The following ERC2 variants were observed in gnomAD, a reference collection of about 807,000 sequenced individuals.
ERC2 encodes ELKS/RAB6-interacting/CAST family member 2.
A neutral mutation model predicts 114.8 loss-of-function variants in ERC2; 42 were observed. That is an observed-to-expected ratio of 0.37 (90% CI 0.29 to 0.47). ERC2 has a LOEUF of 0.47. Ranked by LOEUF, ERC2 falls within the 20% of genes least tolerant of loss-of-function variation. The pLI, the probability that ERC2 is intolerant of heterozygous loss-of-function variation, is 0.99. For missense variants in ERC2, 939 were observed against 1,150.7 expected, an observed-to-expected ratio of 0.82 and a Z score of 2.66; for synonymous variants, 454 against 425.5, an observed-to-expected ratio of 1.07 and a Z score of -0.82.
In ERC2 at chr3:55,991,996, T is replaced by C. The variant is rs532684648; in HGVS notation, c.2255+61A>G. 3 of 1,486,934 alleles carry C rather than the reference T, an allele frequency of 2.0e-6. No individual in the cohort carries two copies. In the Admixed American group the frequency reaches 5.4e-5, roughly 27 times the overall value. The allele number at this position is 1,486,934 out of a possible 1,614,324, so 92.1% of individuals were successfully genotyped here. ...AGTCCAAATCCACCACAACCGGAGATGGGCAACCACGCAGTCCATGTTCTC... is the reference window on the plus strand; with the variant it reads ...AGTCCAAATCCACCACAACCGGAGACGGGCAACCACGCAGTCCATGTTCTC... On this transcript the variant is annotated intron_variant, in intron 11 of 17. Coordinates refer to ENST00000288221, the MANE Select transcript of ERC2 (RefSeq NM_015576.3).
At chr3:56,413,202 C>G (rs1257746246) in intron 2 of ERC2, among the ~76,000 whole-genome samples, 1 of 152,226 alleles carries the variant, frequency 6.6e-6, no homozygotes, top group Non-Finnish European at 1.5e-5. Flanking sequence ...CAGCCCCAAG[C>G]CTCCCACTTT....
intron 1 of ERC2, among the ~76,000 whole-genome samples, chr3:56,453,657 A>G (rs1224752635): frequency 6.6e-6 from 1 of 152,208 alleles, no homozygotes; most frequent in Admixed American, 6.5e-5. Context: ...TTTGTAAATA[A>G]TTTATTTTCA....
chr3:56,463,122 G>A (rs563857125), intron 1 of ERC2, among the ~76,000 whole-genome samples: 2 of 152,290 alleles, frequency 1.3e-5, no homozygotes, highest in African/African-American at 4.8e-5. Context: ...CAGCTACTGG[G>A]AAGACTGAGG....
At chr3:55,565,058 C>G (rs940746040) in intron 17 of ERC2, among the ~76,000 whole-genome samples, 4 of 152,230 alleles carry the variant, frequency 2.6e-5, no homozygotes, top group African/African-American at 9.6e-5. Context: ...TGACCCCTTT[C>G]TCTAGGATGG....
chr3:56,071,766 A>C (rs528448940), intron 7 of ERC2, among the ~76,000 whole-genome samples: 1 of 152,352 alleles, frequency 6.6e-6, no homozygotes, highest in South Asian at 2.1e-4. Context: ...GAAGAAAAGC[A>C]ATGTATACAA....
chr3:56,037,189 A>C (rs2074863996), intron 7 of ERC2, among the ~76,000 whole-genome samples: 1 of 152,226 alleles, frequency 6.6e-6, no homozygotes. Flanking sequence ...ACAGAACTGA[A>C]CTGAGGCTGA....
At chr3:55,591,606 C>T (rs924168942) in intron 17 of ERC2, among the ~76,000 whole-genome samples, 26 of 151,756 alleles carry the variant, frequency 1.7e-4, no homozygotes, top group African/African-American at 3.9e-4. Flanking sequence ...TGTGTGCGCG[C>T]GCGTGTGGTT....
chr3:55,541,824 C>T (rs982953290), intron 17 of ERC2, among the ~76,000 whole-genome samples: 6 of 152,132 alleles, frequency 3.9e-5, no homozygotes, highest in African/African-American at 1.4e-4. Flanking sequence ...GTTTTACAAA[C>T]GTTGAATATA....
intron 2 of ERC2, among the ~76,000 whole-genome samples, chr3:56,329,971 A>G (rs2057534036): frequency 6.6e-6 from 1 of 151,514 alleles, no homozygotes; most frequent in Admixed American, 6.6e-5. Flanking sequence ...ATACACATAT[A>G]TATATTTCAA....
Position 56,173,458 on chromosome 3 carries a change from GAC to G in ERC2, c.1135_1136del (p.Val379HisfsTer19). On this transcript the variant is annotated frameshift_variant, in exon 4 of 18. Coordinates refer to ENST00000288221, the MANE Select transcript of ERC2 (RefSeq NM_015576.3). LOFTEE classifies it high-confidence loss of function. Reference protein sequence around the residue: ...EPAKTKALQTVIEMKDTKIAS... With the variant: ...EPAKTKALQTXIEMKDTKIAS... Reference sequence around the variant, plus strand: ...GCACAGTTCCTACCTTCATTTCGATGACAGTCTGGAGAGCCTTCGTCTTGGCT... The same window carrying G: ...GCACAGTTCCTACCTTCATTTCGATGAGTCTGGAGAGCCTTCGTCTTGGCT... The G allele has an allele frequency of 6.2e-7, 1 of 1,613,906 alleles. No homozygotes were observed. The highest frequency in any genetic ancestry group is 8.5e-7 in the Non-Finnish European group (1 of 1,179,824).
chr3:55,912,231 A>G (rs1038349040), intron 13 of ERC2, among the ~76,000 whole-genome samples: 1 of 152,210 alleles, frequency 6.6e-6, no homozygotes, highest in Non-Finnish European at 1.5e-5. Flanking sequence ...GAAATCTCAG[A>G]AGAGATATCC....
At chr3:55,615,737 A>G (rs2059096341) in intron 17 of ERC2, among the ~76,000 whole-genome samples, 1 of 152,196 alleles carries the variant, frequency 6.6e-6, no homozygotes, top group Non-Finnish European at 1.5e-5. Flanking sequence ...GAACTATGAT[A>G]TTTTCGGTGA....
In ERC2 at chr3:56,296,107, G is replaced by A. The variant is rs373270503; in HGVS notation, c.986C>T (p.Thr329Met). 74 of 1,613,922 alleles carry A rather than the reference G, an allele frequency of 4.6e-5. No individual in the cohort carries two copies. The African/African-American group carries it at 5.5e-4, about 12-fold the overall frequency. ...SKSLEDDNER[T>M]RRMAEAESQV... ...AGACTCAGCCTCTGCCATCCGCCGCGTTCGCTCATTGTCATCCTCCAGGCT... is the reference window on the plus strand; with the variant it reads ...AGACTCAGCCTCTGCCATCCGCCGCATTCGCTCATTGTCATCCTCCAGGCT... Residue 329 changes from threonine to methionine, a missense_variant, in exon 3 of 18, where the codon ACG becomes ATG. By Grantham distance (81) the Thr-to-Met change is moderately conservative. Around this residue, in one of 5 missense-constraint regions of ERC2, gnomAD observed 148 missense variants for 159.1 expected, o/e 0.93. Coordinates refer to ENST00000288221, the MANE Select transcript of ERC2 (RefSeq NM_015576.3).
chr3:56,055,936 A>AG (rs2075994155), intron 7 of ERC2, among the ~76,000 whole-genome samples: 1 of 152,204 alleles, frequency 6.6e-6, no homozygotes. Context: ...GGAGTGTGGA[A>AG]GGGGGGTTTC....
rs915478178 is a variant in ERC2, at chr3:56,059,151, C to T, written c.1641+21666G>A. Among the ~76,000 whole-genome samples the T allele has an allele frequency of 1.1e-4, 17 of 151,390 alleles. No homozygotes were observed. The East Asian group carries it at 3.1e-3, about 28-fold the overall frequency. Reference sequence around the variant, plus strand: ...CTGTCACCAGGCTAGGGTGCAGTGGCGCCATCTCGGCTCACTGCAACCTCC... The same window carrying T: ...CTGTCACCAGGCTAGGGTGCAGTGGTGCCATCTCGGCTCACTGCAACCTCC... On this transcript the variant is annotated intron_variant, in intron 7 of 17. Transcript: ENST00000288221.
intron 14 of ERC2, among the ~76,000 whole-genome samples, chr3:55,807,169 C>T (rs10470694): frequency 0.07 from 10,625 of 152,206 alleles, 616 homozygotes; most frequent in African/African-American, 0.16. Flanking sequence ...AGATAACAAA[C>T]GATACTCATC....
chr3:55,734,933 A>T lies in ERC2; in HGVS notation c.2565-15T>A. On this transcript the variant is annotated splice_polypyrimidine_tract_variant and intron_variant, in intron 14 of 17. Coordinates refer to ENST00000288221, the MANE Select transcript of ERC2 (RefSeq NM_015576.3). ...GTGCTTCCTGTCTGGTAAAATAAAG[A>T]TTATTGAGATCATTTTTGTAAAATA... is the stretch of plus-strand genomic sequence containing the variant. 6.5e-7 allele frequency: 1 copy of T among 1,529,710 alleles called. No homozygotes were observed. Among genetic ancestry groups the T allele is most frequent in the Non-Finnish European group, 8.8e-7 (1 of 1,141,322 alleles). The allele number at this position is 1,529,710 out of a possible 1,614,324, so 94.8% of individuals were successfully genotyped here. A position where few individuals can be genotyped will look rare whatever the true frequency, so the allele number is the denominator to read the frequency against.
intron 17 of ERC2, among the ~76,000 whole-genome samples, chr3:55,585,029 G>A (rs1176239175): frequency 2.0e-5 from 3 of 152,202 alleles, no homozygotes; most frequent in Non-Finnish European, 4.4e-5. Context: ...CAATCCATTT[G>A]GTGGGGAGAA....
rs80319115 is a variant in ERC2, at chr3:56,440,795, C to T, written c.-140-5648G>A. 3.1e-3 allele frequency among the ~76,000 whole-genome samples: 466 copies of T among 152,216 alleles called. 6 individuals carry two copies. In the East Asian group the frequency reaches 0.067, roughly 22 times the overall value. On this transcript the variant is annotated intron_variant, in intron 1 of 17. Transcript: ENST00000288221. ...AGACTATATATAAGTCTTGTATTTTCCTTTTTCTCCATGTTTTATCTTAAC... is the reference window on the plus strand; with the variant it reads ...AGACTATATATAAGTCTTGTATTTTTCTTTTTCTCCATGTTTTATCTTAAC...
Sources: allele counts gnomAD v4.1 joint callset (sites outside exome capture counted in the v4.1 genomes callset), GRCh38; gene constraint gnomAD v4.1.1; regional missense constraint gnomAD v4.1.1; transcripts MANE v1.5; gene names NCBI Gene and HGNC (gene_info 2026-07-23, HGNC 2026-07-21).